PEAK1: variants seen among roughly 807,000 people sequenced by gnomAD.
PEAK1 encodes inactive tyrosine-protein kinase PEAK1.
PEAK1 carries 54 observed loss-of-function variants against 124.7 expected under a neutral mutation model. The ratio of observed to expected loss-of-function variants is 0.43; its 90% CI spans 0.35 to 0.54. PEAK1 has a LOEUF of 0.54. PEAK1 is among the 20% of genes least tolerant of loss of function. The pLI is 0.01. For missense variants in PEAK1, 2,046 were observed against 2,134.5 expected, an observed-to-expected ratio of 0.96 and a Z score of 0.82; for synonymous variants, 719 against 760.0, an observed-to-expected ratio of 0.95 and a Z score of 0.89.
chr15:77,179,521 A>G lies in PEAK1; in HGVS notation c.2406T>C (p.Asp802=). The G allele has an allele frequency of 6.2e-7, 1 of 1,614,180 alleles. No homozygotes were observed. The change falls in exon 7 of 10, where the codon GAT becomes GAC. Residue 802 remains aspartate, a synonymous_variant. Coordinates refer to ENST00000682557, the MANE Select transcript of PEAK1 (RefSeq NM_001385026.1). The part of the protein sequence containing the change: ...SVEELYAIPP[D]ADVAKSTPKS... The stretch of plus-strand genomic sequence containing the variant: ...TAGGTGTGCTCTTAGCAACATCAGC[A>G]TCTGGAGGAATGGCATAAAGCTCTT...
rs748006671 is a variant in PEAK1 at position 77,179,292 on chromosome 15, GAGA to G, written c.2632_2634del (p.Ser878del). The G allele has an allele frequency of 2.6e-5, 42 of 1,613,992 alleles. No individual in the cohort carries two copies. The highest frequency in any genetic ancestry group is 3.0e-5 in the Non-Finnish European group (35 of 1,180,030). On this transcript the variant is annotated inframe_deletion, in exon 7 of 10. Transcript: ENST00000682557. The stretch of plus-strand genomic sequence containing the variant: ...TGCAAAAGGTTACCTGCATGGTAAG[GAGA>G]AGAAGTAGAGCGTGGCGGGGGAAAG...
At position 77,352,328 on chromosome 15, in the gene PEAK1, G is replaced by A. The variant is rs573554315; in HGVS notation, c.-603+12835C>T. ...AGGGCCAAATCGAAGTGCCTTACTC[G>A]ATCTATCTCCAGAAATCACTTTCTA... On this transcript the variant is annotated intron_variant, in intron 2 of 9. Transcript: ENST00000682557. 8.6e-5 allele frequency: 85 copies of A among 985,252 alleles called. No homozygotes were observed. In the South Asian group the frequency reaches 3.3e-3, roughly 38 times the overall value. 61.0% of individuals were successfully genotyped at this position (985,252 alleles called of 1,614,324 possible). A position where few individuals can be genotyped will look rare whatever the true frequency, so the allele number is the denominator to read the frequency against.
chr15:77,207,512 A>C (rs2058717734), intron 6 of PEAK1, among the ~76,000 whole-genome samples: 1 of 152,244 alleles, frequency 6.6e-6, no homozygotes, highest in South Asian at 2.1e-4. Flanking sequence ...AAGCCAAGAA[A>C]AGACAAAGAC....
At chr15:77,193,220 T>TA (rs1202242000) in intron 6 of PEAK1, among the ~76,000 whole-genome samples, 1 of 152,212 alleles carries the variant, frequency 6.6e-6, no homozygotes, top group Non-Finnish European at 1.5e-5. Context: ...TGGATATAGT[T>TA]ATCTGGCAAG....
At chr15:77,101,297 A>C (rs1395193193) in exon 7 of PEAK1, 2 of 152,246 alleles carry the variant, frequency 1.3e-5, no homozygotes, top group Non-Finnish European at 2.9e-5. Context: ...AAATTCAGCC[A>C]GGAGATATTT....
At chr15:77,141,666 C>T (rs918787267) in intron 8 of PEAK1, among the ~76,000 whole-genome samples, 9 of 151,918 alleles carry the variant, frequency 5.9e-5, no homozygotes, top group Non-Finnish European at 8.8e-5. Flanking sequence ...GTGGTACTGG[C>T]GTAAGAATAG....
intron 9 of PEAK1, among the ~76,000 whole-genome samples, chr15:77,127,947 C>T (rs549256593): frequency 1.3e-4 from 19 of 151,950 alleles, no homozygotes; most frequent in African/African-American, 3.9e-4. Context: ...GGTGTGGTGA[C>T]GGACGCCTGT....
At chr15:77,373,346 C>T (rs372737323) in intron 1 of PEAK1, among the ~76,000 whole-genome samples, 82 of 152,270 alleles carry the variant, frequency 5.4e-4, no homozygotes, top group Middle Eastern at 3.4e-3. Context: ...CCCCTATGCA[C>T]GTTTATATAC....
At chr15:77,229,864 C>G (rs1278835806) in intron 6 of PEAK1, among the ~76,000 whole-genome samples, 2 of 152,126 alleles carry the variant, frequency 1.3e-5, no homozygotes, top group Non-Finnish European at 2.9e-5. Flanking sequence ...TCAGGCTGGT[C>G]TCACACTCTC....
At chr15:77,119,936 T>C (rs562221773) in intron 9 of PEAK1, among the ~76,000 whole-genome samples, 139 of 152,318 alleles carry the variant, frequency 9.1e-4, no homozygotes, top group African/African-American at 3.2e-3. Context: ...TGTCTAACAC[T>C]ACTGAACCTT....
chr15:77,343,349 T>C (rs937796689), intron 2 of PEAK1, among the ~76,000 whole-genome samples: 1 of 152,174 alleles, frequency 6.6e-6, no homozygotes, highest in African/African-American at 2.4e-5. Flanking sequence ...TTTTTTTATA[T>C]TCTGGATATC....
At chr15:77,369,712 G>C (rs919878409) in intron 1 of PEAK1, among the ~76,000 whole-genome samples, 11 of 149,274 alleles carry the variant, frequency 7.4e-5, no homozygotes, top group African/African-American at 2.3e-4. Context: ...TCTTAGTGGT[G>C]GCTCTGATCC....
At chr15:77,372,798 CT>C (rs1473995433) in intron 1 of PEAK1, among the ~76,000 whole-genome samples, 2 of 152,116 alleles carry the variant, frequency 1.3e-5, no homozygotes, top group African/African-American at 4.8e-5. Flanking sequence ...CACCATCCCC[CT>C]AGTACTGTTC....
chr15:77,337,291 G>C, intron 2 of PEAK1: 1 of 984,988 alleles, frequency 1.0e-6, no homozygotes, highest in Non-Finnish European at 1.2e-6. Flanking sequence ...AAGACAAGAA[G>C]TTTATTTTGA....
intron 1 of PEAK1, chr15:77,381,371 T>G (rs4886863): frequency 0.36 from 270,028 of 748,764 alleles, 50,885 homozygotes; most frequent in Non-Finnish European, 0.38. Flanking sequence ...ACTATGATGG[T>G]GCCTGTGAAT....
At chr15:77,260,787 C>A (rs1175479926) in intron 5 of PEAK1, among the ~76,000 whole-genome samples, 2 of 152,166 alleles carry the variant, frequency 1.3e-5, no homozygotes, top group African/African-American at 4.8e-5. Flanking sequence ...GTTCTCCCAG[C>A]ACGCAGCTTG....
chr15:77,419,682 C>T lies in PEAK1; in HGVS notation c.-666+324G>A, dbSNP rs529190423. The T allele has an allele frequency of 2.1e-5, 21 of 984,992 alleles. No individual in the cohort carries two copies. The African/African-American group carries it at 3.5e-4, about 16-fold the overall frequency. The allele number at this position is 984,992 out of a possible 1,614,324, so 61.0% of individuals were successfully genotyped here. On this transcript the variant is annotated intron_variant, in intron 1 of 9. Coordinates refer to ENST00000682557, the MANE Select transcript of PEAK1 (RefSeq NM_001385026.1). ...CAGCCGCGCCCGGGGGCGTCCCTCGCGGCAGGTCCCAACTTTCCTTCCTCT... is the reference window on the plus strand; with the variant it reads ...CAGCCGCGCCCGGGGGCGTCCCTCGTGGCAGGTCCCAACTTTCCTTCCTCT...
chr15:77,237,519 TTG>T (rs1292300610), intron 6 of PEAK1, among the ~76,000 whole-genome samples: 3 of 152,084 alleles, frequency 2.0e-5, no homozygotes, highest in African/African-American at 7.2e-5. Context: ...TTACATTTCC[TTG>T]TGTTTTAATA....
At chr15:77,245,432 A>G (rs562524351) in intron 6 of PEAK1, among the ~76,000 whole-genome samples, 40 of 152,150 alleles carry the variant, frequency 2.6e-4, no homozygotes, top group African/African-American at 9.4e-4. Context: ...TTGGCCAGGC[A>G]TGGTGCCTGT....
Sources: gnomAD v4.1 joint callset for allele counts (sites outside exome capture counted in the v4.1 genomes callset) on GRCh38, gnomAD v4.1.1 for gene constraint, MANE v1.5 for transcripts, NCBI Gene and HGNC (gene_info 2026-07-23, HGNC 2026-07-21) for gene names.